Variants in PPP2R5C observed in about 807,000 individuals in gnomAD.
PPP2R5C encodes the protein serine/threonine-protein phosphatase 2A 56 kDa regulatory subunit gamma isoform.
Under a neutral mutation model 68.9 loss-of-function variants are expected in PPP2R5C, and 7 were observed. The observed-to-expected ratio is 0.10, with a 90% CI of 0.06 to 0.19. PPP2R5C has a LOEUF of 0.19. Ranked by LOEUF, PPP2R5C falls within the 10% of genes least tolerant of loss-of-function variation. The probability of loss-of-function intolerance (pLI) is 1.00; values close to 1 mark genes in which losing one functional copy is unlikely to be tolerated. For synonymous variants in PPP2R5C, 210 were observed against 222.2 expected (o/e 0.95, Z 0.49); for missense variants, 348 against 641.3 (o/e 0.54, Z 4.94).
At chr14:101,889,511 T>C (rs766710137) in intron 5 of PPP2R5C, among the ~76,000 whole-genome samples, 2 of 152,196 alleles carry the variant, frequency 1.3e-5, no homozygotes, top group Non-Finnish European at 2.9e-5. Flanking sequence ...GGGAACATAG[T>C]CACGAGAAGT....
intron 1 of PPP2R5C, among the ~76,000 whole-genome samples, chr14:101,840,485 A>G (rs1163693873): frequency 8.8e-6 from 1 of 113,606 alleles, no homozygotes; most frequent in African/African-American, 3.6e-5. Context: ...CCACCACCAA[A>G]AAAAAAAAAA....
rs141554235 is a variant in PPP2R5C, at chr14:101,909,571, G to A, written c.1152-18G>A. 1,061 of 1,550,662 alleles carry A rather than the reference G, an allele frequency of 6.8e-4. 8 individuals are homozygous for A. In the African/African-American group the frequency reaches 7.7e-3, roughly 11 times the overall value. ...AGGAATGCGTGCTCCCAGGCTCACC[G>A]TGCGGTTTTCTTTATAGGACAATAC... On this transcript the variant is annotated intron_variant, in intron 10 of 13. Transcript: ENST00000334743.
In PPP2R5C at chr14:101,798,685, T is replaced by C. The variant is rs138806874; in HGVS notation, c.259+12502T>C. Among the ~76,000 whole-genome samples the C allele has an allele frequency of 2.5e-3, 387 of 152,374 alleles. 4 individuals are homozygous for C. The highest frequency in any genetic ancestry group is 8.4e-3 in the African/African-American group (351 of 41,594). On this transcript the variant is annotated intron_variant, in intron 3 of 14. Coordinates refer to the PPP2R5C transcript ENST00000328724. ...TGATGGGAGACCATATTGAGCACTG[T>C]GGCCTTTTTGGCCCATTGGGCTGTG...
At chr14:101,761,687 TGCCGCCGCCGCCGCC>T (rs1172580916), upstream of PPP2R5C, 17 of 224,388 alleles carry the variant, frequency 7.6e-5, no homozygotes, top group South Asian at 1.6e-4. Context: ...ACGCCGCCGC[TGCCGCCGCCGCCGCC>T]GCCGCCGCCG....
intron 9 of PPP2R5C, among the ~76,000 whole-genome samples, chr14:101,904,755 C>T (rs1298678246): frequency 1.3e-5 from 2 of 152,176 alleles, no homozygotes; most frequent in African/African-American, 4.8e-5. Flanking sequence ...AAGCGTCAGC[C>T]CCATGCTGCT....
chr14:101,908,519 A>G (rs1419287805), intron 10 of PPP2R5C, among the ~76,000 whole-genome samples: 2 of 152,024 alleles, frequency 1.3e-5, no homozygotes, highest in African/African-American at 2.4e-5. Context: ...GACTACAGAC[A>G]TGAGCCACCA....
chr14:101,785,429 T>C (rs2038046699), intron 2 of PPP2R5C, among the ~76,000 whole-genome samples: 1 of 152,158 alleles, frequency 6.6e-6, no homozygotes, highest in African/African-American at 2.4e-5. Flanking sequence ...TTTCCAGCCT[T>C]TCCCACCTTC....
chr14:101,814,274 G>A (rs2039531019), intron 1 of PPP2R5C, among the ~76,000 whole-genome samples: 1 of 152,190 alleles, frequency 6.6e-6, no homozygotes, highest in Admixed American at 6.5e-5. Flanking sequence ...CTATGTAACT[G>A]CAGCTCTCTG....
At chr14:101,799,714 C>T (rs895447043) in intron 3 of PPP2R5C, among the ~76,000 whole-genome samples, 1 of 152,186 alleles carries the variant, frequency 6.6e-6, no homozygotes, top group East Asian at 1.9e-4. Flanking sequence ...GGAGAAGGTC[C>T]AGGCGGTTCA....
At chr14:101,829,863 G>A (rs549109148) in intron 1 of PPP2R5C, among the ~76,000 whole-genome samples, 35 of 152,118 alleles carry the variant, frequency 2.3e-4, no homozygotes, top group African/African-American at 8.0e-4. Context: ...TTGTTGTGTC[G>A]CTGTCGTATT....
chr14:101,787,240 A>T (rs1404869859), intron 3 of PPP2R5C, among the ~76,000 whole-genome samples: 2 of 152,202 alleles, frequency 1.3e-5, no homozygotes, highest in Non-Finnish European at 2.9e-5. Flanking sequence ...ACAGACTGAG[A>T]TCTTGTTCTC....
chr14:101,768,848 G>A lies in PPP2R5C; in HGVS notation c.93+5878G>A, dbSNP rs568241157. ...ATCTTTTTTTTTTTTTTTTTGAGAC[G>A]GAGTCTTGCTCTGTCACCCAGGCTG... is the stretch of plus-strand genomic sequence containing the variant. On this transcript the variant is annotated intron_variant, in intron 2 of 14. Transcript: ENST00000328724. 1.6e-4 allele frequency among the ~76,000 whole-genome samples: 24 copies of A among 147,394 alleles called. No individual in the cohort carries two copies. In the East Asian group the frequency reaches 4.5e-3, roughly 28 times the overall value.
intron 13 of PPP2R5C, among the ~76,000 whole-genome samples, chr14:101,919,934 A>G (rs549559404): frequency 7.2e-6 from 1 of 138,698 alleles, no homozygotes; most frequent in Non-Finnish European, 1.5e-5. Flanking sequence ...GTGCCACTGC[A>G]CTCCAGCCTG....
intron 1 of PPP2R5C, among the ~76,000 whole-genome samples, chr14:101,826,918 A>C (rs1480956682): frequency 6.6e-6 from 1 of 151,604 alleles, no homozygotes; most frequent in African/African-American, 2.4e-5. Context: ...AAGCTATTTG[A>C]ATTTAGTATT....
intron 3 of PPP2R5C, among the ~76,000 whole-genome samples, chr14:101,800,419 C>T (rs995518416): frequency 1.3e-5 from 2 of 151,910 alleles, no homozygotes; most frequent in African/African-American, 4.8e-5. Flanking sequence ...AAAAATTAGC[C>T]AGGCGTGATG....
intron 13 of PPP2R5C, among the ~76,000 whole-genome samples, chr14:101,918,296 G>A (rs1057040216): frequency 1.3e-5 from 2 of 149,764 alleles, no homozygotes; most frequent in Admixed American, 6.6e-5. Context: ...CTTCTGCTTC[G>A]ACCCAGAGAG....
chr14:101,920,999 G>A (rs2046969444), intron 13 of PPP2R5C: 2 of 151,036 alleles, frequency 1.3e-5, no homozygotes, highest in Admixed American at 1.4e-4. Flanking sequence ...CTATCCAGAT[G>A]AAGGTATTTA....
At chr14:101,818,811 G>T in intron 1 of PPP2R5C, 1 of 537,078 alleles carries the variant, frequency 1.9e-6, no homozygotes, top group Non-Finnish European at 3.4e-6. Flanking sequence ...TGATATTTTG[G>T]TGTTTTCAGT....
At chr14:101,796,117 G>T (rs562787629) in intron 3 of PPP2R5C, among the ~76,000 whole-genome samples, 1 of 152,094 alleles carries the variant, frequency 6.6e-6, no homozygotes, top group Non-Finnish European at 1.5e-5. Context: ...GAGCCACTGC[G>T]CCCTGCCTAT....
Sources: gnomAD v4.1 joint callset for allele counts (sites outside exome capture counted in the v4.1 genomes callset) on GRCh38, gnomAD v4.1.1 for gene constraint, MANE v1.5 for transcripts, NCBI Gene and HGNC (gene_info 2026-07-23, HGNC 2026-07-21) for gene names.